The following NECTIN3 variants were observed in gnomAD, a reference collection of about 807,000 sequenced individuals.
The protein encoded by NECTIN3 is nectin-3.
Under a neutral mutation model 49.4 loss-of-function variants are expected in NECTIN3, and 8 were observed. The observed-to-expected ratio is 0.16, with a 90% CI of 0.10 to 0.29. NECTIN3 has a LOEUF of 0.29. NECTIN3 is among the 10% of genes least tolerant of loss of function. The pLI is 1.00. For missense variants in NECTIN3, 581 were observed against 654.6 expected, an observed-to-expected ratio of 0.89 and a Z score of 1.23; for synonymous variants, 277 against 241.1, an observed-to-expected ratio of 1.15 and a Z score of -1.38.
At chr3:111,192,521 T>C (rs1291765262) in intron 1 of NECTIN3, 6 of 1,102,538 alleles carry the variant, frequency 5.4e-6, no homozygotes, top group Non-Finnish European at 7.8e-6. Context: ...CTTTCCCCTA[T>C]TTGAGTGTCT....
At chr3:111,141,208 C>A (rs1247394218), downstream of NECTIN3, among the ~76,000 whole-genome samples, 2 of 151,840 alleles carry the variant, frequency 1.3e-5, no homozygotes, top group African/African-American at 4.8e-5. Flanking sequence ...ATTAAAGGGG[C>A]TATTACAAAT....
downstream of NECTIN3, among the ~76,000 whole-genome samples, chr3:111,138,971 C>T (rs539830844): frequency 3.3e-5 from 5 of 151,364 alleles, no homozygotes; most frequent in Non-Finnish European, 7.4e-5. Flanking sequence ...AAAACAACAA[C>T]AACAAAAAGC....
At chr3:111,119,326 G>T (rs2107464897) in intron 3 of NECTIN3, among the ~76,000 whole-genome samples, 1 of 152,180 alleles carries the variant, frequency 6.6e-6, no homozygotes, top group South Asian at 2.1e-4. Flanking sequence ...CCTTGTTGTT[G>T]GTGTTTTTGA....
intron 1 of NECTIN3, among the ~76,000 whole-genome samples, chr3:111,106,091 C>T (rs1394814244): frequency 6.6e-6 from 1 of 150,984 alleles, no homozygotes. Flanking sequence ...TCCCTTCTTG[C>T]TTCCCTGGCC....
chr3:111,118,043 A>G (rs1213681376), intron 2 of NECTIN3, among the ~76,000 whole-genome samples: 2 of 151,868 alleles, frequency 1.3e-5, no homozygotes, highest in African/African-American at 2.4e-5. Flanking sequence ...TCTTTTGGGT[A>G]TATGAGTAGT....
chr3:111,088,883 A>G (rs993777779), intron 1 of NECTIN3, among the ~76,000 whole-genome samples: 3 of 152,064 alleles, frequency 2.0e-5, no homozygotes, highest in African/African-American at 7.2e-5. Context: ...GGTCTTGTGT[A>G]AGAGTTTAAG....
rs890709997 is a variant in NECTIN3, at chr3:111,072,074, T to C, written c.57T>C (p.Leu19=). 6.5e-7 allele frequency: 1 copy of C among 1,549,006 alleles called. No homozygotes were observed. The highest frequency in any genetic ancestry group is 8.7e-7 in the Non-Finnish European group (1 of 1,145,972). ...PLCPGGGKAQ[L]SSASLLGAGL... ...GTCCTGGAGGCGGCAAAGCACAACTTTCCTCCGCTTCTCTCCTCGGAGCCG... is the reference window on the plus strand; with the variant it reads ...GTCCTGGAGGCGGCAAAGCACAACTCTCCTCCGCTTCTCTCCTCGGAGCCG... The change falls in exon 1 of 6, where the codon CTT becomes CTC. Residue 19 remains leucine (L), a synonymous_variant. Transcript: ENST00000485303.
intron 7 of NECTIN3, among the ~76,000 whole-genome samples, chr3:111,157,321 A>T (rs2035118087): frequency 6.6e-6 from 1 of 152,148 alleles, no homozygotes; most frequent in Non-Finnish European, 1.5e-5. Flanking sequence ...CATATTCAGG[A>T]TCATTCTTTA....
At position 111,134,749 on chromosome 3, in the gene NECTIN3, T is replaced by C. The variant is rs2034519429; in HGVS notation, c.*534T>C. The C allele has an allele frequency of 1.1e-6, 1 of 946,062 alleles. No homozygotes were observed. The allele number at this position is 946,062 out of a possible 1,614,324, so 58.6% of individuals were successfully genotyped here. A position where few individuals can be genotyped will look rare whatever the true frequency, so the allele number is the denominator to read the frequency against. ...TGGAATGGCTTTCCTTTTCAAACAT[T>C]ATTTTCTAAGTTTCTATACAAATGA... is the stretch of plus-strand genomic sequence containing the variant. On this transcript the variant is annotated 3_prime_UTR_variant, in exon 6 of 6. Coordinates refer to ENST00000485303, the MANE Select transcript of NECTIN3 (RefSeq NM_015480.3).
intron 7 of NECTIN3, among the ~76,000 whole-genome samples, chr3:111,158,780 A>T (rs1396859327): frequency 6.6e-6 from 1 of 152,174 alleles, no homozygotes; most frequent in Non-Finnish European, 1.5e-5. Flanking sequence ...TAGGTCTTTG[A>T]AAGACACCAT....
intron 7 of NECTIN3, among the ~76,000 whole-genome samples, chr3:111,152,131 C>T (rs983639366): frequency 1.3e-5 from 2 of 151,640 alleles, no homozygotes; most frequent in African/African-American, 2.4e-5. Flanking sequence ...TATTGTAATG[C>T]GTGTATATTA....
chr3:111,185,640 CA>C (rs2035706908), intron 7 of NECTIN3, among the ~76,000 whole-genome samples: 2 of 152,156 alleles, frequency 1.3e-5, no homozygotes, highest in Non-Finnish European at 2.9e-5. Context: ...AGATGCAGAG[CA>C]CCTTGTAGAG....
At chr3:111,099,254 T>C (rs2107415401) in intron 1 of NECTIN3, among the ~76,000 whole-genome samples, 1 of 152,302 alleles carries the variant, frequency 6.6e-6, no homozygotes, top group Non-Finnish European at 1.5e-5. Context: ...CTTCTCTCAT[T>C]GGTTTTCCTA....
At chr3:111,188,213 G>A (rs1044580530), upstream of NECTIN3, among the ~76,000 whole-genome samples, 5 of 152,290 alleles carry the variant, frequency 3.3e-5, no homozygotes, top group African/African-American at 1.2e-4. Flanking sequence ...CTTATGTATT[G>A]AGCCAATGTC....
rs1463893359 is a variant in NECTIN3 at position 111,135,264 on chromosome 3, G to A, written c.*1049G>A. ...CTTTGGATATAACTAGAAAAAACTA[G>A]ATTATAGAATTAGTCGGTAACACTT... On this transcript the variant is annotated 3_prime_UTR_variant, in exon 6 of 6. Coordinates refer to ENST00000485303, the MANE Select transcript of NECTIN3 (RefSeq NM_015480.3). 14 of 968,976 alleles carry A rather than the reference G, an allele frequency of 1.4e-5. No homozygotes were observed. Among genetic ancestry groups the A allele is most frequent in the Non-Finnish European group, 1.6e-5 (13 of 815,482 alleles). The allele number at this position is 968,976 out of a possible 1,614,324, so 60.0% of individuals were successfully genotyped here. A position where few individuals can be genotyped will look rare whatever the true frequency, so the allele number is the denominator to read the frequency against.
chr3:111,116,724 G>A (rs187553372), intron 2 of NECTIN3, among the ~76,000 whole-genome samples: 52 of 152,138 alleles, frequency 3.4e-4, no homozygotes, highest in Admixed American at 3.2e-3. Context: ...GGTTCCAAAT[G>A]ATTCATAAAC....
rs1242794353 is a variant in NECTIN3 at position 111,135,103 on chromosome 3, A to C, written c.*888A>C. 1 of 978,006 alleles carries C rather than the reference A, an allele frequency of 1.0e-6. No individual in the cohort carries two copies. The highest frequency in any genetic ancestry group is 6.2e-5 in the Admixed American group (1 of 16,194). The allele number at this position is 978,006 out of a possible 1,614,324, so 60.6% of individuals were successfully genotyped here. ...AGAGAGCATTTCGGAATACTGAAGTACTAGTTTTAGAAATGAGACTTTCAG... is the reference window on the plus strand; with the variant it reads ...AGAGAGCATTTCGGAATACTGAAGTCCTAGTTTTAGAAATGAGACTTTCAG... On this transcript the variant is annotated 3_prime_UTR_variant, in exon 6 of 6. Coordinates refer to ENST00000485303, the MANE Select transcript of NECTIN3 (RefSeq NM_015480.3).
At chr3:111,102,324 G>T (rs763363382) in intron 1 of NECTIN3, among the ~76,000 whole-genome samples, 8 of 152,088 alleles carry the variant, frequency 5.3e-5, no homozygotes, top group Admixed American at 5.2e-4. Context: ...ACCCCACTTA[G>T]TACCTCAGTT....
intron 1 of NECTIN3, among the ~76,000 whole-genome samples, chr3:111,094,402 A>G (rs1351589881): frequency 6.6e-6 from 1 of 152,122 alleles, no homozygotes; most frequent in Non-Finnish European, 1.5e-5. Context: ...TTACTTTTTC[A>G]TATTGCTTTT....
Sources: gnomAD v4.1 joint callset for allele counts (sites outside exome capture counted in the v4.1 genomes callset) on GRCh38, gnomAD v4.1.1 for gene constraint, MANE v1.5 for transcripts, NCBI Gene and HGNC (gene_info 2026-07-23, HGNC 2026-07-21) for gene names.